Variants in TULP3 observed in about 807,000 individuals in gnomAD.
TULP3 encodes tubby-related protein 3.
In TULP3, 38 loss-of-function variants were observed where a neutral mutation model predicts 50.7. The observed-to-expected ratio is 0.75, with a 90% CI of 0.58 to 0.98. The LOEUF (loss-of-function observed/expected upper bound fraction) is 0.98, where lower values mean the gene tolerates loss of function less well. TULP3 is among the 50% of genes least tolerant of loss of function. The pLI is 0.00. For synonymous variants in TULP3, 183 were observed against 196.6 expected (o/e 0.93, Z 0.58); for missense variants, 550 against 568.0 (o/e 0.97, Z 0.32).
intron 1 of TULP3, 117 bp downstream of exon 1, chr12:2,891,105 C>A: frequency 8.0e-7 from 1 of 1,243,766 alleles, no homozygotes; most frequent in Non-Finnish European, 1.1e-6. Context: ...CTTGGCGACT[C>A]AGGGAGGGAC....
At chr12:2,917,940 T>C (rs1010495153) in intron 2 of TULP3, among the ~76,000 whole-genome samples, 1 of 150,782 alleles carries the variant, frequency 6.6e-6, no homozygotes, top group African/African-American at 2.4e-5. Context: ...ACAAAAAAAA[T>C]TAGCTGGGTG....
chr12:2,925,349 C>T (rs940773497), intron 4 of TULP3, among the ~76,000 whole-genome samples: 3 of 152,142 alleles, frequency 2.0e-5, no homozygotes, highest in Non-Finnish European at 4.4e-5. Context: ...CCTCCAGTTC[C>T]AATATAGTGT....
At chr12:2,931,663 C>T (rs992932360) in intron 6 of TULP3, among the ~76,000 whole-genome samples, 2 of 152,152 alleles carry the variant, frequency 1.3e-5, no homozygotes, top group Admixed American at 6.6e-5. Flanking sequence ...TCTTGTTTCT[C>T]ACCCTAGAAG....
chr12:2,901,312 C>CTTTTTTTTT (rs371069831), intron 1 of TULP3, among the ~76,000 whole-genome samples: 3 of 104,116 alleles, frequency 2.9e-5, no homozygotes, highest in Non-Finnish European at 5.4e-5. Flanking sequence ...TTCTTTCTTT[C>CTTTTTTTTT]TTTTTTTTTT....
chr12:2,917,995 A>G (rs1237616998), intron 2 of TULP3, among the ~76,000 whole-genome samples: 4 of 151,922 alleles, frequency 2.6e-5, no homozygotes, highest in African/African-American at 9.7e-5. Flanking sequence ...AGGCTGAGTC[A>G]GGAGAATTGC....
At chr12:2,896,010 G>C (rs1049657558) in intron 1 of TULP3, among the ~76,000 whole-genome samples, 1 of 150,304 alleles carries the variant, frequency 6.7e-6, no homozygotes, top group South Asian at 2.1e-4. Context: ...GCATGATCTC[G>C]GCTCACTGCA....
chr12:2,917,876 C>CA (rs71057863), intron 2 of TULP3, among the ~76,000 whole-genome samples: 70,158 of 146,512 alleles, frequency 0.48, 16,905 homozygotes, highest in African/African-American at 0.59. Flanking sequence ...GACTCTGTCT[C>CA]AAAAAAAAAA....
chr12:2,895,456 A>G (rs1256062798), intron 1 of TULP3, among the ~76,000 whole-genome samples: 1 of 152,222 alleles, frequency 6.6e-6, no homozygotes, highest in African/African-American at 2.4e-5. Flanking sequence ...GACACTTCTC[A>G]TATGACCTTT....
Position 2,911,645 on chromosome 12 carries a change from G to A in TULP3, c.93+2065G>A, listed in dbSNP as rs561669333. Among the ~76,000 whole-genome samples the A allele has an allele frequency of 7.6e-3, 975 of 128,014 alleles. 17 individuals carry two copies. The highest frequency in any genetic ancestry group is 0.026 in the African/African-American group (892 of 34,512). 84.0% of individuals were successfully genotyped at this position (128,014 alleles called of 152,430 possible). On this transcript the variant is annotated intron_variant, in intron 2 of 10. Coordinates refer to ENST00000448120, the MANE Select transcript of TULP3 (RefSeq NM_003324.5). ...CTCCCAAAGTGCTGGGATTACAGGC[G>A]TGAGCCACTGCGCCCAGCCTTTTTT...
At chr12:2,921,249 C>A (rs2098191545) in intron 3 of TULP3, among the ~76,000 whole-genome samples, 1 of 152,128 alleles carries the variant, frequency 6.6e-6, no homozygotes, top group Non-Finnish European at 1.5e-5. Context: ...AAGTGATTCT[C>A]CTGCCTCAAC....
chr12:2,936,597 A>T (rs1218295068), intron 8 of TULP3, among the ~76,000 whole-genome samples: 2 of 148,450 alleles, frequency 1.3e-5, no homozygotes, highest in African/African-American at 5.0e-5. Context: ...AAAAAAAAAT[A>T]CAAAATTAGC....
chr12:2,923,793 G>A (rs913961055), intron 4 of TULP3, among the ~76,000 whole-genome samples: 5 of 151,190 alleles, frequency 3.3e-5, no homozygotes, highest in Non-Finnish European at 7.4e-5. Context: ...GCAACATGGA[G>A]AAACCTTGTC....
At chr12:2,936,855 C>T (rs1026847189) in intron 8 of TULP3, among the ~76,000 whole-genome samples, 3 of 152,014 alleles carry the variant, frequency 2.0e-5, no homozygotes, top group Admixed American at 1.3e-4. Context: ...CGCCTGTAAT[C>T]CCAGCACTTT....
chr12:2,934,109 G>A (rs914043411), intron 7 of TULP3, among the ~76,000 whole-genome samples: 4 of 151,940 alleles, frequency 2.6e-5, no homozygotes, highest in African/African-American at 9.7e-5. Context: ...TTAGCCAGGC[G>A]TGGCAGTTCT....
intron 3 of TULP3, 115 bp downstream of exon 3, chr12:2,921,037 C>A (rs2098191383): frequency 2.5e-6 from 3 of 1,220,472 alleles, no homozygotes; most frequent in Non-Finnish European, 3.4e-6. Flanking sequence ...TTACTAGGTA[C>A]CTTCATAAAT....
At chr12:2,900,410 A>T (rs1210592784) in intron 1 of TULP3, among the ~76,000 whole-genome samples, 1 of 152,154 alleles carries the variant, frequency 6.6e-6, no homozygotes, top group East Asian at 1.9e-4. Flanking sequence ...TCAATAACAG[A>T]TTATTAGTGC....
rs1437216819 is a variant in TULP3, at chr12:2,940,904, A to C, written c.*1460A>C. 1.6e-6 allele frequency: 1 copy of C among 606,104 alleles called. No homozygotes were observed. 37.5% of individuals were successfully genotyped at this position (606,104 alleles called of 1,614,324 possible). A position where few individuals can be genotyped will look rare whatever the true frequency, so the allele number is the denominator to read the frequency against. On this transcript the variant is annotated 3_prime_UTR_variant, in exon 11 of 11. Coordinates refer to ENST00000448120, the MANE Select transcript of TULP3 (RefSeq NM_003324.5). ...CACCACCACCCCCCACCCCATCCTG[A>C]GGCACTGCCTGGCAGATAACCCTGG...
intron 2 of TULP3, among the ~76,000 whole-genome samples, chr12:2,915,144 A>G (rs375828291): frequency 2.1e-4 from 32 of 151,720 alleles, no homozygotes; most frequent in African/African-American, 6.8e-4. Context: ...AGACGCCACC[A>G]TGCCTGGCTA....
At chr12:2,912,759 G>A (rs1444755714) in intron 2 of TULP3, among the ~76,000 whole-genome samples, 3 of 152,134 alleles carry the variant, frequency 2.0e-5, no homozygotes, top group Non-Finnish European at 4.4e-5. Flanking sequence ...GTTTGCGATC[G>A]GGACATAGCT....
Sources: allele counts gnomAD v4.1 joint callset (sites outside exome capture counted in the v4.1 genomes callset), GRCh38; gene constraint gnomAD v4.1.1; transcripts MANE v1.5; gene names NCBI Gene and HGNC (gene_info 2026-07-23, HGNC 2026-07-21).